Variants in EXOC6 observed in about 807,000 individuals in gnomAD.
EXOC6 encodes exocyst complex component 6.
A neutral mutation model predicts 112.5 loss-of-function variants in EXOC6; 60 were observed. The ratio of observed to expected loss-of-function variants is 0.53; its 90% CI spans 0.43 to 0.66. The LOEUF (loss-of-function observed/expected upper bound fraction) is 0.66, where lower values mean the gene tolerates loss of function less well. EXOC6 is among the 30% of genes least tolerant of loss of function. The pLI is 0.00. For synonymous variants in EXOC6, 295 were observed against 308.0 expected, an observed-to-expected ratio of 0.96 and a Z score of 0.44; for missense variants, 855 against 957.1, an observed-to-expected ratio of 0.89 and a Z score of 1.41.
chr10:93,012,135 C>T (rs141805345), intron 19 of EXOC6, among the ~76,000 whole-genome samples: 16 of 152,248 alleles, frequency 1.1e-4, no homozygotes, highest in African/African-American at 3.4e-4. Context: ...TGTATAAAAC[C>T]TATTAACCTT....
chr10:92,897,761 G>A (rs530322872), intron 4 of EXOC6, among the ~76,000 whole-genome samples: 1 of 152,258 alleles, frequency 6.6e-6, no homozygotes, highest in East Asian at 1.9e-4. Context: ...GCTGATCAAG[G>A]ACTCAAAAGA....
At chr10:92,859,821 A>ATGTGTGTGTGTGTGTG (rs10617958) in intron 1 of EXOC6, among the ~76,000 whole-genome samples, 2 of 141,594 alleles carry the variant, frequency 1.4e-5, no homozygotes, top group East Asian at 2.1e-4. Context: ...GTTTGTGTGC[A>ATGTGTGTGTGTGTGTG]TGTGTGTGTG....
chr10:92,842,289 G>A (rs1250962954), intron 1 of EXOC6, among the ~76,000 whole-genome samples: 1 of 150,836 alleles, frequency 6.6e-6, no homozygotes, highest in African/African-American at 2.4e-5. Context: ...AACCCGCGAG[G>A]TGGAGGTTGC....
At chr10:92,948,200 T>C in intron 13 of EXOC6, 74 bp from the exon 14 acceptor site, 1 of 939,212 alleles carries the variant, frequency 1.1e-6, no homozygotes, top group Non-Finnish European at 1.6e-6. Context: ...GTTGGGGTTT[T>C]TTAAGGTATT....
chr10:92,964,862 C>T (rs545468739), intron 17 of EXOC6, among the ~76,000 whole-genome samples: 2 of 152,274 alleles, frequency 1.3e-5, no homozygotes, highest in African/African-American at 4.8e-5. Context: ...TATAGTGGCC[C>T]AGCAGTTCCC....
chr10:92,965,073 A>G (rs995959633), intron 17 of EXOC6, among the ~76,000 whole-genome samples: 5 of 152,208 alleles, frequency 3.3e-5, no homozygotes, highest in Non-Finnish European at 5.9e-5. Flanking sequence ...GTATCAGTTC[A>G]GTCTTACCCA....
At chr10:93,026,293 A>G (rs957873751) in intron 20 of EXOC6, among the ~76,000 whole-genome samples, 1 of 152,178 alleles carries the variant, frequency 6.6e-6, no homozygotes, top group Admixed American at 6.5e-5. Context: ...GTGTATACAC[A>G]TGATCAGTTT....
chr10:92,906,852 C>T (rs962070734), intron 5 of EXOC6, among the ~76,000 whole-genome samples: 3 of 152,032 alleles, frequency 2.0e-5, no homozygotes, highest in Non-Finnish European at 4.4e-5. Context: ...TTTTTATATT[C>T]CCCTTATAGG....
At chr10:93,006,196 G>GA (rs71932344) in intron 19 of EXOC6, among the ~76,000 whole-genome samples, 8,461 of 139,600 alleles carry the variant, frequency 0.061, 390 homozygotes, top group East Asian at 0.14. Context: ...AGCCAAAAAA[G>GA]AAAAAAAAAA....
chr10:92,980,896 G>A (rs905477593), intron 18 of EXOC6, among the ~76,000 whole-genome samples: 11 of 152,148 alleles, frequency 7.2e-5, no homozygotes, highest in South Asian at 2.1e-4. Flanking sequence ...GCATGGTGGC[G>A]GGCACCTGTA....
At position 93,056,920 on chromosome 10, in the gene EXOC6, G is replaced by A. The variant is rs188595136; in HGVS notation, c.2170-4G>A. ...TGATTTAACATTTCCCCCATCTTTCGCAGCTCCTTGACCTGTTTATGGTTT... is the reference window on the plus strand; with the variant it reads ...TGATTTAACATTTCCCCCATCTTTCACAGCTCCTTGACCTGTTTATGGTTT... On this transcript the variant is annotated splice_region_variant and splice_polypyrimidine_tract_variant and intron_variant, in intron 20 of 21. Coordinates refer to ENST00000260762, the MANE Select transcript of EXOC6 (RefSeq NM_019053.6). The A allele has an allele frequency of 3.0e-5, 47 of 1,553,372 alleles. No homozygotes were observed. The East Asian group carries it at 5.0e-4, about 17-fold the overall frequency.
intron 20 of EXOC6, among the ~76,000 whole-genome samples, chr10:93,040,543 G>A (rs535209225): frequency 3.9e-5 from 6 of 152,226 alleles, no homozygotes; most frequent in African/African-American, 4.8e-5. Flanking sequence ...CACTGCGCCC[G>A]GCCTGCTTTA....
intron 20 of EXOC6, among the ~76,000 whole-genome samples, chr10:93,040,184 G>A (rs958321419): frequency 2.6e-5 from 4 of 152,128 alleles, no homozygotes; most frequent in Admixed American, 6.6e-5. Flanking sequence ...CTATGCCCTT[G>A]ACCCTATCTT....
intron 4 of EXOC6, among the ~76,000 whole-genome samples, chr10:92,899,377 A>G (rs1850027058): frequency 6.6e-6 from 1 of 152,128 alleles, no homozygotes; most frequent in South Asian, 2.1e-4. Flanking sequence ...TTATATGTAT[A>G]TATGTGTGTG....
chr10:92,994,309 A>G (rs1843386626), intron 18 of EXOC6, among the ~76,000 whole-genome samples: 1 of 152,192 alleles, frequency 6.6e-6, no homozygotes, highest in Non-Finnish European at 1.5e-5. Context: ...TCTTTACCAC[A>G]ATTGTTCTTA....
chr10:92,962,764 C>A (rs1438125508), intron 17 of EXOC6, among the ~76,000 whole-genome samples: 1 of 152,122 alleles, frequency 6.6e-6, no homozygotes. Flanking sequence ...CACTAGGATT[C>A]TTTTAATCTA....
At chr10:92,860,249 T>C (rs888660521) in intron 1 of EXOC6, among the ~76,000 whole-genome samples, 2 of 150,194 alleles carry the variant, frequency 1.3e-5, no homozygotes, top group African/African-American at 4.9e-5. Flanking sequence ...GCCACCATTA[T>C]CATCTATCTC....
At chr10:92,843,187 G>C (rs1199924643) in intron 1 of EXOC6, among the ~76,000 whole-genome samples, 1 of 152,166 alleles carries the variant, frequency 6.6e-6, no homozygotes, top group Non-Finnish European at 1.5e-5. Flanking sequence ...TTATGGAACA[G>C]CCGATTCCTG....
intron 12 of EXOC6, 55 bp from the exon 13 acceptor site, chr10:92,940,672 T>A (rs1203508381): frequency 8.5e-7 from 1 of 1,182,188 alleles, no homozygotes; most frequent in Non-Finnish European, 1.2e-6. Context: ...CCAACATTTT[T>A]AATGAATATT....
Sources: gnomAD v4.1 joint callset for allele counts (sites outside exome capture counted in the v4.1 genomes callset) on GRCh38, gnomAD v4.1.1 for gene constraint, MANE v1.5 for transcripts, NCBI Gene and HGNC (gene_info 2026-07-23, HGNC 2026-07-21) for gene names.